The following CSRP1 variants were observed in gnomAD, a reference collection of about 807,000 sequenced individuals.
The protein encoded by CSRP1 is cysteine and glycine rich protein 1.
A neutral mutation model predicts 25.4 loss-of-function variants in CSRP1; 16 were observed. The ratio of observed to expected loss-of-function variants is 0.63; its 90% CI spans 0.43 to 0.96. The LOEUF (loss-of-function observed/expected upper bound fraction) is 0.96, where lower values mean the gene tolerates loss of function less well. CSRP1 is among the 40% of genes least tolerant of loss of function. The pLI, the probability that CSRP1 is intolerant of heterozygous loss-of-function variation, is 0.00. For missense variants in CSRP1, 212 were observed against 243.6 expected (o/e 0.87, Z 0.86); for synonymous variants, 97 against 95.3 (o/e 1.02, Z -0.10).
chr1:201,496,410 A>C, intron 1 of CSRP1, 106 bp from the exon 2 acceptor site: 1 of 960,322 alleles, frequency 1.0e-6, no homozygotes, highest in Non-Finnish European at 1.6e-6. Flanking sequence ...GAGAAAGACA[A>C]AAGTAGAATG....
intron 1 of CSRP1, among the ~76,000 whole-genome samples, chr1:201,499,282 C>A (rs1016786207): frequency 2.6e-5 from 4 of 152,222 alleles, no homozygotes; most frequent in African/African-American, 7.2e-5. Flanking sequence ...TGCTACAAAA[C>A]CCCGATTTTA....
At chr1:201,499,897 T>C (rs534620643) in intron 1 of CSRP1, among the ~76,000 whole-genome samples, 1 of 152,280 alleles carries the variant, frequency 6.6e-6, no homozygotes, top group African/African-American at 2.4e-5. Flanking sequence ...GCTGGGATTA[T>C]AGGCATGAGT....
At chr1:201,492,049 CAAG>C (rs1009280577) in intron 2 of CSRP1, 2 of 152,284 alleles carry the variant, frequency 1.3e-5, no homozygotes, top group Admixed American at 6.5e-5. Context: ...GACCAGCTCC[CAAG>C]AAGGAGGGAG....
intron 3 of CSRP1, 25 bp downstream of exon 3, chr1:201,490,151 G>T (rs771479031): frequency 1.3e-5 from 21 of 1,602,836 alleles, no homozygotes; most frequent in Non-Finnish European, 1.8e-5. Flanking sequence ...TCAAGAAAAA[G>T]GTTGGGAGGG....
At chr1:201,485,556 G>A in intron 4 of CSRP1, 180 bp from the exon 5 acceptor site, 5 of 594,586 alleles carry the variant, frequency 8.4e-6, no homozygotes, top group South Asian at 6.1e-5. Flanking sequence ...AGAAGGCCAG[G>A]GACCACACGC....
chr1:201,504,332 TCA>T (rs1353809222), intron 1 of CSRP1, among the ~76,000 whole-genome samples: 5 of 152,224 alleles, frequency 3.3e-5, no homozygotes, highest in African/African-American at 1.2e-4. Flanking sequence ...GAAGTATTTC[TCA>T]CACTGTCTGG....
At chr1:201,496,774 T>G (rs554170052) in intron 1 of CSRP1, among the ~76,000 whole-genome samples, 16 of 152,284 alleles carry the variant, frequency 1.1e-4, no homozygotes, top group African/African-American at 3.6e-4. Context: ...GATGGACATA[T>G]AGGTGGAAAA....
Position 201,483,939 on chromosome 1 carries a change from A to C in CSRP1, c.*774T>G, listed in dbSNP as rs1471173313. The C allele has an allele frequency of 8.9e-6, 6 of 675,004 alleles. No homozygotes were observed. The African/African-American group carries it at 1.1e-4, about 12-fold the overall frequency. The allele number at this position is 675,004 out of a possible 1,614,324, so 41.8% of individuals were successfully genotyped here. A position where few individuals can be genotyped will look rare whatever the true frequency, so the allele number is the denominator to read the frequency against. ...GGAGCCAGGGTTAAGGCCAGAGATA[A>C]ATGAAGATTTGAGCCATTGATAAAT... is the stretch of plus-strand genomic sequence containing the variant. On this transcript the variant is annotated 3_prime_UTR_variant, in exon 6 of 6. Coordinates refer to ENST00000340006, the MANE Select transcript of CSRP1 (RefSeq NM_004078.3).
intron 1 of CSRP1, among the ~76,000 whole-genome samples, chr1:201,502,024 T>TAAAGAAAG (rs1484587932): frequency 6.6e-6 from 1 of 151,040 alleles, no homozygotes; most frequent in African/African-American, 2.4e-5. Context: ...AATAAATAAA[T>TAAAGAAAG]AAATAAAGTC....
chr1:201,497,020 C>T (rs886332079), intron 1 of CSRP1, among the ~76,000 whole-genome samples: 1 of 152,136 alleles, frequency 6.6e-6, no homozygotes, highest in South Asian at 2.1e-4. Flanking sequence ...AGCTATAGCT[C>T]ACCACAAGAA....
At chr1:201,485,648 G>A in intron 4 of CSRP1, 1 of 461,830 alleles carries the variant, frequency 2.2e-6, no homozygotes, top group Non-Finnish European at 4.0e-6. Context: ...CAGGTGAGGG[G>A]GTGGGTTTAA....
At chr1:201,499,166 G>T (rs1664593111) in intron 1 of CSRP1, among the ~76,000 whole-genome samples, 1 of 152,206 alleles carries the variant, frequency 6.6e-6, no homozygotes, top group Admixed American at 6.5e-5. Flanking sequence ...TCAAGCAAAG[G>T]TTTGGAGCTG....
At chr1:201,498,981 A>G (rs1158787555) in intron 1 of CSRP1, among the ~76,000 whole-genome samples, 1 of 152,144 alleles carries the variant, frequency 6.6e-6, no homozygotes, top group Non-Finnish European at 1.5e-5. Context: ...GCTCCCACAC[A>G]TCGCTGACAT....
intron 2 of CSRP1, among the ~76,000 whole-genome samples, chr1:201,495,157 AG>A (rs1664471336): frequency 6.6e-6 from 1 of 152,164 alleles, no homozygotes; most frequent in Non-Finnish European, 1.5e-5. Context: ...ACACTTTGGG[AG>A]GCTGAGGTGG....
chr1:201,489,459 C>A (rs1043570272), intron 3 of CSRP1: 2 of 175,290 alleles, frequency 1.1e-5, no homozygotes, highest in Admixed American at 1.2e-4. Flanking sequence ...CAGGGAGTGC[C>A]GTGGGGTGAG....
chr1:201,494,479 G>A (rs1664440381), intron 2 of CSRP1, among the ~76,000 whole-genome samples: 1 of 152,154 alleles, frequency 6.6e-6, no homozygotes, highest in South Asian at 2.1e-4. Flanking sequence ...TTTGCAGGCT[G>A]GAAGCCAACA....
Position 201,483,689 on chromosome 1 carries a change from C to G in CSRP1, c.*1024G>C. The G allele has an allele frequency of 6.8e-6, 2 of 293,324 alleles. No homozygotes were observed. Among genetic ancestry groups the G allele is most frequent in the South Asian group, 7.6e-5 (1 of 13,166 alleles). The allele number at this position is 293,324 out of a possible 1,614,324, so 18.2% of individuals were successfully genotyped here. On this transcript the variant is annotated 3_prime_UTR_variant, in exon 6 of 6. Transcript: ENST00000340006. Reference sequence around the variant, plus strand: ...CCCTTCCTCCCACCACTATTCCTAACCTGGGGCCTGGCAGGGGTGGAGTGA... The same window carrying G: ...CCCTTCCTCCCACCACTATTCCTAAGCTGGGGCCTGGCAGGGGTGGAGTGA...
intron 1 of CSRP1, chr1:201,496,576 G>T: frequency 4.2e-6 from 2 of 474,416 alleles, no homozygotes; most frequent in South Asian, 5.0e-5. Flanking sequence ...TAAAGGATGT[G>T]GATCAGCAGA....
At chr1:201,489,907 T>G in intron 3 of CSRP1, 1 of 362,658 alleles carries the variant, frequency 2.8e-6, no homozygotes, top group Non-Finnish European at 5.0e-6. Context: ...GACTAAGTGA[T>G]TCTTGGGGCC....
Sources: gnomAD v4.1 joint callset for allele counts (sites outside exome capture counted in the v4.1 genomes callset) on GRCh38, gnomAD v4.1.1 for gene constraint, MANE v1.5 for transcripts, NCBI Gene and HGNC (gene_info 2026-07-23, HGNC 2026-07-21) for gene names.